ANO5: variants seen among roughly 807,000 people sequenced by gnomAD.
ANO5 encodes anoctamin-5.
In ANO5, 109 loss-of-function variants were observed where a neutral mutation model predicts 121.0. The observed-to-expected ratio is 0.90, with a 90% CI of 0.77 to 1.06. The LOEUF (loss-of-function observed/expected upper bound fraction) is 1.06, where lower values mean the gene tolerates loss of function less well. ANO5 is among the 50% of genes least tolerant of loss of function. The pLI is 0.00. For synonymous variants in ANO5, 406 were observed against 359.9 expected, an observed-to-expected ratio of 1.13 and a Z score of -1.45; for missense variants, 1,064 against 1,078.5, an observed-to-expected ratio of 0.99 and a Z score of 0.19.
chr11:22,262,590 T>C (rs1257248854), intron 16 of ANO5, among the ~76,000 whole-genome samples: 1 of 152,194 alleles, frequency 6.6e-6, no homozygotes, highest in African/African-American at 2.4e-5. Context: ...CTGATTACTT[T>C]CTGTAGAAAT....
At chr11:22,225,399 A>G (rs1414693861) in intron 5 of ANO5, among the ~76,000 whole-genome samples, 1 of 152,056 alleles carries the variant, frequency 6.6e-6, no homozygotes, top group Non-Finnish European at 1.5e-5. Context: ...TGATGCTATA[A>G]TGGGCTGTGA....
chr11:22,207,335 A>G (rs1289038988), intron 2 of ANO5, among the ~76,000 whole-genome samples: 1 of 152,128 alleles, frequency 6.6e-6, no homozygotes, highest in Non-Finnish European at 1.5e-5. Flanking sequence ...TGATATTTGG[A>G]GAAGGATAGG....
At chr11:22,192,711 A>G (rs1471313242), upstream of ANO5, among the ~76,000 whole-genome samples, 1 of 152,172 alleles carries the variant, frequency 6.6e-6, no homozygotes, top group Non-Finnish European at 1.5e-5. Flanking sequence ...TCGGAGGAGG[A>G]GGATTCCGAC....
At position 22,193,377 on chromosome 11, in the gene ANO5, A is replaced by G. The variant is rs1851710206; in HGVS notation, c.-116A>G. The G allele has an allele frequency of 7.8e-7, 1 of 1,276,178 alleles. No individual in the cohort carries two copies. The highest frequency in any genetic ancestry group is 2.6e-5 in the Admixed American group (1 of 38,062). The allele number at this position is 1,276,178 out of a possible 1,614,324, so 79.1% of individuals were successfully genotyped here. A position where few individuals can be genotyped will look rare whatever the true frequency, so the allele number is the denominator to read the frequency against. On this transcript the variant is annotated 5_prime_UTR_variant, in exon 1 of 22. Coordinates refer to ENST00000324559, the MANE Select transcript of ANO5 (RefSeq NM_213599.3). ...AGCAGGCCCTTAGAAGTCCAGCAGC[A>G]GCAACTCCGGCGGCCCACAGTCAGA...
chr11:22,224,120 G>A (rs1249044182), intron 5 of ANO5, among the ~76,000 whole-genome samples: 1 of 151,900 alleles, frequency 6.6e-6, no homozygotes, highest in Non-Finnish European at 1.5e-5. Flanking sequence ...CTCCTTCTCA[G>A]TCTTTACTTC....
intron 18 of ANO5, among the ~76,000 whole-genome samples, chr11:22,270,688 G>A (rs1854579372): frequency 6.6e-6 from 1 of 152,138 alleles, no homozygotes; most frequent in Non-Finnish European, 1.5e-5. Context: ...TTAATTGAAT[G>A]TTAATATTGT....
At chr11:22,250,433 T>C in intron 10 of ANO5, 62 bp downstream of exon 10, 1 of 1,593,448 alleles carries the variant, frequency 6.3e-7, no homozygotes, top group Non-Finnish European at 8.6e-7. Context: ...AATGAAGTTG[T>C]TGTTATTATT....
chr11:22,203,851 G>C lies in ANO5; in HGVS notation c.87+1G>C, dbSNP rs1222904668. On this transcript the variant is annotated splice_donor_variant, in intron 2 of 21. Coordinates refer to ENST00000324559, the MANE Select transcript of ANO5 (RefSeq NM_213599.3). LOFTEE classifies it high-confidence loss of function. ...AGACTACTCTTTCCAAATGAGTGAG[G>C]TAAGTTAAATATATATGCATTAACT... 6.8e-7 allele frequency: 1 copy of C among 1,467,858 alleles called. No homozygotes were observed. The highest frequency in any genetic ancestry group is 9.5e-7 in the Non-Finnish European group (1 of 1,054,096). 90.9% of individuals were successfully genotyped at this position (1,467,858 alleles called of 1,614,324 possible).
chr11:22,245,498 G>A (rs1050613239), intron 9 of ANO5, among the ~76,000 whole-genome samples: 2 of 151,626 alleles, frequency 1.3e-5, no homozygotes, highest in African/African-American at 4.9e-5. Flanking sequence ...TATATTTCTG[G>A]GGTTTTCTTG....
At chr11:22,220,812 A>C (rs1852615907) in intron 4 of ANO5, among the ~76,000 whole-genome samples, 1 of 151,990 alleles carries the variant, frequency 6.6e-6, no homozygotes, top group Admixed American at 6.6e-5. Context: ...TCAGTCTCTG[A>C]ATGTGCATTT....
At chr11:22,272,569 A>G (rs994532674) in intron 18 of ANO5, among the ~76,000 whole-genome samples, 5 of 152,210 alleles carry the variant, frequency 3.3e-5, no homozygotes, top group African/African-American at 1.2e-4. Context: ...GAAAGAACTC[A>G]GCCATGCATG....
chr11:22,257,283 A>T (rs1009731252), intron 13 of ANO5, among the ~76,000 whole-genome samples: 2 of 152,172 alleles, frequency 1.3e-5, no homozygotes, highest in African/African-American at 4.8e-5. Context: ...AAAGCATCTA[A>T]TTTAATATCA....
At chr11:22,269,534 AAAAAGAAAAGGAAGGAAAG>A (rs1367797872) in intron 17 of ANO5, among the ~76,000 whole-genome samples, 3 of 149,648 alleles carry the variant, frequency 2.0e-5, no homozygotes, top group Non-Finnish European at 3.0e-5. Flanking sequence ...AAGGAAAGAA[AAAAAGAAAAGGAAGGAAAG>A]AAAAAAAGAA....
intron 18 of ANO5, among the ~76,000 whole-genome samples, chr11:22,271,608 GAAATT>G (rs1854614464): frequency 1.3e-5 from 2 of 152,132 alleles, no homozygotes; most frequent in Admixed American, 1.3e-4. Context: ...GATTACTACT[GAAATT>G]AAAAAGTTGA....
intron 1 of ANO5, among the ~76,000 whole-genome samples, chr11:22,199,174 G>A (rs1023505774): frequency 1.3e-5 from 2 of 152,098 alleles, no homozygotes; most frequent in East Asian, 3.8e-4. Flanking sequence ...ATTTTATTCT[G>A]ACATTCTGAA....
intron 4 of ANO5, among the ~76,000 whole-genome samples, chr11:22,220,795 G>T (rs1219637985): frequency 6.6e-6 from 1 of 151,832 alleles, no homozygotes; most frequent in Non-Finnish European, 1.5e-5. Context: ...TTGATGAAGG[G>T]AACAAGTCAG....
chr11:22,193,504 G>A lies in ANO5; in HGVS notation c.12G>A (p.Pro4=). The change falls in exon 1 of 22, where the codon CCG becomes CCA. Residue 4 remains proline (P), a synonymous_variant. Transcript: ENST00000324559. ...ACGAGCTGGCGAAGATGGGCGACCC[G>A]GATCTCCTGGAAGTGTTGGCGGAGG... The part of the protein sequence containing the change: MGD[P]DLLEVLAEEG... 2 of 1,613,010 alleles carry A rather than the reference G, an allele frequency of 1.2e-6. No homozygotes were observed. Among genetic ancestry groups the A allele is most frequent in the Non-Finnish European group, 1.7e-6 (2 of 1,179,748 alleles).
At chr11:22,261,986 A>C in intron 15 of ANO5, 143 bp from the exon 16 acceptor site, 1 of 704,622 alleles carries the variant, frequency 1.4e-6, no homozygotes, top group Non-Finnish European at 2.4e-6. Context: ...ATAGTTACTT[A>C]ATATTGGCCT....
At chr11:22,275,575 G>A (rs1854809328) in intron 20 of ANO5, among the ~76,000 whole-genome samples, 1 of 151,782 alleles carries the variant, frequency 6.6e-6, no homozygotes, top group Non-Finnish European at 1.5e-5. Flanking sequence ...AGAAGAGAAT[G>A]AACTCACAAA....
Sources: gnomAD v4.1 joint callset for allele counts (sites outside exome capture counted in the v4.1 genomes callset) on GRCh38, gnomAD v4.1.1 for gene constraint, MANE v1.5 for transcripts, NCBI Gene and HGNC (gene_info 2026-07-23, HGNC 2026-07-21) for gene names.